Variants in BANP observed in about 807,000 individuals in gnomAD.
BANP encodes BTG3 associated nuclear protein.
BANP carries 11 observed loss-of-function variants against 68.1 expected under a neutral mutation model. The ratio of observed to expected loss-of-function variants is 0.16; its 90% CI spans 0.10 to 0.27. BANP has a LOEUF of 0.27. Ranked by LOEUF, BANP falls within the 10% of genes least tolerant of loss-of-function variation. The pLI is 1.00. For synonymous variants in BANP, 329 were observed against 303.2 expected (o/e 1.09, Z -0.88); for missense variants, 504 against 722.7 (o/e 0.70, Z 3.47).
chr16:88,025,793 A>C (rs2076875484), intron 7 of BANP, among the ~76,000 whole-genome samples: 1 of 152,242 alleles, frequency 6.6e-6, no homozygotes, highest in African/African-American at 2.4e-5. Flanking sequence ...GGGTTTGGGC[A>C]GTAGAGTCCG....
intron 6 of BANP, among the ~76,000 whole-genome samples, chr16:88,010,090 A>T (rs1567740615): frequency 6.6e-6 from 1 of 152,224 alleles, no homozygotes; most frequent in Non-Finnish European, 1.5e-5. Flanking sequence ...TTTTGTCAGT[A>T]GTTTTGGTCT....
At chr16:87,984,484 A>G (rs1417457007) in intron 4 of BANP, among the ~76,000 whole-genome samples, 2 of 152,232 alleles carry the variant, frequency 1.3e-5, no homozygotes, top group Admixed American at 6.5e-5. Flanking sequence ...TCCTTTCCAC[A>G]TAAAGCCGAC....
chr16:88,058,481 A>G (rs950324091), intron 11 of BANP, among the ~76,000 whole-genome samples: 3 of 152,152 alleles, frequency 2.0e-5, no homozygotes, highest in African/African-American at 7.2e-5. Flanking sequence ...ACTCAAGCAC[A>G]GGGGTCATTT....
intron 13 of BANP, among the ~76,000 whole-genome samples, chr16:88,074,727 A>C (rs2091222714): frequency 6.7e-6 from 1 of 148,516 alleles, no homozygotes; most frequent in Admixed American, 6.7e-5. Context: ...TCAGCCACCC[A>C]CCCCAGGGCC....
intron 11 of BANP, among the ~76,000 whole-genome samples, chr16:88,048,987 C>T (rs1033815137): frequency 1.3e-5 from 2 of 152,166 alleles, no homozygotes; most frequent in African/African-American, 4.8e-5. Flanking sequence ...CTGCAGACCA[C>T]ATGTTTCCTC....
chr16:88,022,979 G>A (rs1326460298), intron 7 of BANP, among the ~76,000 whole-genome samples: 1 of 152,174 alleles, frequency 6.6e-6, no homozygotes, highest in African/African-American at 2.4e-5. Context: ...TGAGTTTTGT[G>A]GGGACACTGT....
intron 1 of BANP, among the ~76,000 whole-genome samples, chr16:87,967,797 A>G (rs559915172): frequency 1.3e-5 from 2 of 150,894 alleles, no homozygotes; most frequent in East Asian, 2.0e-4. Context: ...TAATTTTTGT[A>G]TTTTTAGTAG....
In BANP at chr16:88,035,402, A is replaced by T; in HGVS notation, c.1272+8A>T. 1 of 1,603,470 alleles carries T rather than the reference A, an allele frequency of 6.2e-7. No individual in the cohort carries two copies. The highest frequency in any genetic ancestry group is 8.5e-7 in the Non-Finnish European group (1 of 1,175,286). ...ATCACGCAGGACAGCGAGGTGAGTC[A>T]GCTCTCGCTGCAGCACTGTCCCTGC... On this transcript the variant is annotated splice_region_variant and intron_variant, in intron 10 of 13. Coordinates refer to ENST00000682872, the MANE Select transcript of BANP (RefSeq NM_001386991.1).
chr16:88,073,537 G>C (rs897657202), intron 13 of BANP, among the ~76,000 whole-genome samples: 24 of 147,924 alleles, frequency 1.6e-4, no homozygotes, highest in African/African-American at 5.9e-4. Context: ...GGCGCAGAAC[G>C]CACAGGCAGT....
chr16:88,038,584 A>G (rs925476801), intron 11 of BANP, among the ~76,000 whole-genome samples: 3 of 150,368 alleles, frequency 2.0e-5, no homozygotes, highest in Non-Finnish European at 2.9e-5. Flanking sequence ...GCTCCTGTGT[A>G]TTGCCGTCAA....
intron 6 of BANP, among the ~76,000 whole-genome samples, chr16:88,007,964 C>A (rs1320099125): frequency 6.6e-6 from 1 of 152,002 alleles, no homozygotes; most frequent in East Asian, 1.9e-4. Flanking sequence ...GTCATCACTT[C>A]GGACTAATTC....
At chr16:88,044,454 C>G (rs1456796994) in intron 11 of BANP, among the ~76,000 whole-genome samples, 1 of 152,262 alleles carries the variant, frequency 6.6e-6, no homozygotes, top group African/African-American at 2.4e-5. Flanking sequence ...GCTGATTGCA[C>G]TAATATTTTT....
rs2070274229 is a variant in BANP, at chr16:88,004,177, C to T, written c.363-118C>T. ...TGGACTATGTTGAATGACTCTTAGG[C>T]CTCCCCCTCAGTGCGGGTCCCTGGG... On this transcript the variant is annotated intron_variant, in intron 4 of 13. Transcript: ENST00000682872. This position sits in a 1 kb window ranked among gnomAD's most constrained non-coding sequence, Gnocchi z 7.0. The T allele has an allele frequency of 5.6e-6, 4 of 708,586 alleles. No individual in the cohort carries two copies. In the Admixed American group the frequency reaches 8.2e-5, roughly 14 times the overall value. 43.9% of individuals were successfully genotyped at this position (708,586 alleles called of 1,614,324 possible).
chr16:88,068,724 A>G (rs1449159212), intron 12 of BANP, among the ~76,000 whole-genome samples: 1 of 152,110 alleles, frequency 6.6e-6, no homozygotes, highest in African/African-American at 2.4e-5. Flanking sequence ...AACTGAGTGC[A>G]GAACTCCTCC....
intron 11 of BANP, among the ~76,000 whole-genome samples, chr16:88,039,322 G>A (rs921122707): frequency 6.9e-6 from 1 of 144,830 alleles, no homozygotes; most frequent in African/African-American, 2.4e-5. Flanking sequence ...TAATGAGGCT[G>A]CGGTCGGCGC....
chr16:87,971,715 G>T (rs958037655), intron 1 of BANP, among the ~76,000 whole-genome samples: 1 of 151,816 alleles, frequency 6.6e-6, no homozygotes, highest in Non-Finnish European at 1.5e-5. Flanking sequence ...TTATTTTAAC[G>T]AGTAGTTTCA....
intron 1 of BANP, among the ~76,000 whole-genome samples, chr16:87,967,043 C>A (rs1053492969): frequency 6.6e-6 from 1 of 152,160 alleles, no homozygotes; most frequent in Non-Finnish European, 1.5e-5. Context: ...GAGGCCAGGG[C>A]CCCTGAAGGA....
chr16:88,027,386 T>A, intron 7 of BANP, 97 bp from the exon 8 acceptor site: 1 of 1,385,672 alleles, frequency 7.2e-7, no homozygotes, highest in Non-Finnish European at 1.0e-6. Flanking sequence ...GGTGCCTGGG[T>A]GAGGCCTCTT....
At chr16:88,052,196 C>G (rs2083412477) in intron 11 of BANP, among the ~76,000 whole-genome samples, 1 of 152,176 alleles carries the variant, frequency 6.6e-6, no homozygotes, top group African/African-American at 2.4e-5. Flanking sequence ...CGTAAGAGGT[C>G]ACTTCAGCTC....
Sources: gnomAD v4.1 joint callset for allele counts (sites outside exome capture counted in the v4.1 genomes callset) on GRCh38, gnomAD v4.1.1 for gene constraint, Gnocchi (gnomAD v3.1) non-coding constraint, MANE v1.5 for transcripts, NCBI Gene and HGNC (gene_info 2026-07-23, HGNC 2026-07-21) for gene names.